Variants in TMEM132B observed in about 807,000 individuals in gnomAD.
TMEM132B encodes transmembrane protein 132B.
TMEM132B carries 18 observed loss-of-function variants against 90.8 expected under a neutral mutation model. The observed-to-expected ratio is 0.20, with a 90% CI of 0.14 to 0.29. The LOEUF (loss-of-function observed/expected upper bound fraction) is 0.29. TMEM132B is among the 10% of genes least tolerant of loss of function. The pLI, the probability that TMEM132B is intolerant of heterozygous loss-of-function variation, is 1.00. For missense variants in TMEM132B, 1,096 were observed against 1,326.8 expected (o/e 0.83, Z 2.70); for synonymous variants, 504 against 523.3 (o/e 0.96, Z 0.50).
chr12:125,651,737 C>T (rs1017502169), intron 7 of TMEM132B, among the ~76,000 whole-genome samples: 1 of 152,164 alleles, frequency 6.6e-6, no homozygotes, highest in Admixed American at 6.5e-5. Context: ...CTCCAGGTCT[C>T]GGCTGGCCTG....
intron 3 of TMEM132B, among the ~76,000 whole-genome samples, chr12:125,495,032 C>T (rs1387077655): frequency 7.8e-5 from 7 of 89,436 alleles, no homozygotes; most frequent in Admixed American, 1.1e-4. Flanking sequence ...GAAATGGATG[C>T]GTCCCTCCTC....
At chr12:125,647,281 G>A (rs1244119075) in intron 6 of TMEM132B, among the ~76,000 whole-genome samples, 2 of 152,086 alleles carry the variant, frequency 1.3e-5, no homozygotes, top group African/African-American at 4.8e-5. Flanking sequence ...AAAAGGTGTC[G>A]GGCTCAAACA....
intron 2 of TMEM132B, among the ~76,000 whole-genome samples, chr12:125,390,524 G>A (rs1878978072): frequency 6.6e-6 from 1 of 152,168 alleles, no homozygotes; most frequent in African/African-American, 2.4e-5. Flanking sequence ...TCTGAATGTG[G>A]GCTGGATTTG....
intron 5 of TMEM132B, among the ~76,000 whole-genome samples, chr12:125,638,091 A>C (rs953300880): frequency 1.3e-5 from 2 of 152,218 alleles, no homozygotes; most frequent in Non-Finnish European, 2.9e-5. Context: ...AGGAAGGGCC[A>C]TGTTGTCCTT....
chr12:125,319,076 C>T (rs925798639), intron 1 of TMEM132B, among the ~76,000 whole-genome samples: 1 of 152,154 alleles, frequency 6.6e-6, no homozygotes, highest in Non-Finnish European at 1.5e-5. Flanking sequence ...AGAGGTGGCT[C>T]AGGTCCTGGT....
Position 125,583,926 on chromosome 12 carries a change from G to A in TMEM132B, c.1369G>A (p.Glu457Lys), listed in dbSNP as rs1566080844. Reference sequence around the variant, plus strand: ...TCCTGTCAAAGTCGTGGGGGTCCAGGAGGATGGTTCTGTGGTCGATGTGTC... The same window carrying A: ...TCCTGTCAAAGTCGTGGGGGTCCAGAAGGATGGTTCTGTGGTCGATGTGTC... ...SVPVKVVGVQ[E>K]DGSVVDVSES... The change falls in exon 5 of 9, where the codon GAG (glutamate) becomes AAG (lysine). Residue 457 changes from glutamate to lysine, a missense_variant. Coordinates refer to ENST00000682704, the MANE Select transcript of TMEM132B (RefSeq NM_001366854.1). 2 of 1,614,178 alleles carry A rather than the reference G, an allele frequency of 1.2e-6. No individual in the cohort carries two copies. Among genetic ancestry groups the A allele is most frequent in the South Asian group, 1.1e-5 (1 of 91,066 alleles).
intron 1 of TMEM132B, among the ~76,000 whole-genome samples, chr12:125,339,583 C>T (rs1333397815): frequency 6.6e-6 from 1 of 152,164 alleles, no homozygotes; most frequent in Non-Finnish European, 1.5e-5. Flanking sequence ...GGTACTTCTC[C>T]CCAGTAGCTC....
At chr12:125,395,761 A>G (rs1002874533) in intron 2 of TMEM132B, among the ~76,000 whole-genome samples, 3 of 152,246 alleles carry the variant, frequency 2.0e-5, no homozygotes, top group African/African-American at 7.2e-5. Flanking sequence ...AGAGAGTCTC[A>G]GGTCTGGCTG....
chr12:125,295,522 G>GAGAGAGAGAGAGAGAGAGAGAGAGAGAC, intron 1 of TMEM132B, among the ~76,000 whole-genome samples: 1 of 148,510 alleles, frequency 6.7e-6, no homozygotes, highest in East Asian at 1.9e-4. Flanking sequence ...GTGTGAGAGA[G>GAGAGAGAGAGAGAGAGAGAGAGAGAGAC]AGAGAGAGAG....
At chr12:125,537,809 C>T (rs1442203166) in intron 4 of TMEM132B, among the ~76,000 whole-genome samples, 1 of 152,152 alleles carries the variant, frequency 6.6e-6, no homozygotes, top group African/African-American at 2.4e-5. Flanking sequence ...AACCTGGCTT[C>T]AAATATCTGC....
In TMEM132B at chr12:125,320,655, C is replaced by T. The variant is rs578113908; in HGVS notation, c.68-28797C>T. 1.0e-3 allele frequency among the ~76,000 whole-genome samples: 157 copies of T among 152,206 alleles called. 1 individual carries two copies. Among genetic ancestry groups the T allele is most frequent in the Non-Finnish European group, 1.3e-3 (90 of 68,030 alleles). On this transcript the variant is annotated intron_variant, in intron 1 of 8. Transcript: ENST00000682704. ...CGGCTCCACAAGGGGGAAGCTGAGT[C>T]GACCTCAGTCTTTGGCCGACTTAAA...
chr12:125,462,810 C>CTTGTGG lies in TMEM132B; in HGVS notation c.1106+47133_1106+47134insTTGTGG, dbSNP rs1307429442. 2.6e-5 allele frequency among the ~76,000 whole-genome samples: 4 copies of CTTGTGG among 152,200 alleles called. No individual in the cohort carries two copies. In the East Asian group the frequency reaches 7.7e-4, roughly 29 times the overall value. On this transcript the variant is annotated intron_variant, in intron 3 of 8. Coordinates refer to ENST00000682704, the MANE Select transcript of TMEM132B (RefSeq NM_001366854.1). ...TCTGGAAGAAAACTTGACTAATCCA[C>CTTGTGG]AAGCAGCAACCTGTGAACTTTTGGT...
intron 1 of TMEM132B, among the ~76,000 whole-genome samples, chr12:125,262,798 G>A (rs1257529080): frequency 1.3e-5 from 2 of 152,176 alleles, no homozygotes; most frequent in Non-Finnish European, 2.9e-5. Context: ...AAAGTGTGTT[G>A]GCTGCCTCTG....
In TMEM132B at chr12:125,460,618, C is replaced by T. The variant is rs774076560; in HGVS notation, c.1106+44941C>T. ...TCACTCTTCAACAGTACTGCTCAAC[C>T]GTTTGAGTATCTGCGGCCTTTTCAT... On this transcript the variant is annotated intron_variant, in intron 3 of 8. Coordinates refer to ENST00000682704, the MANE Select transcript of TMEM132B (RefSeq NM_001366854.1). This position sits in a 1 kb window ranked among gnomAD's most constrained non-coding sequence, Gnocchi z 4.4. 1.4e-4 allele frequency among the ~76,000 whole-genome samples: 21 copies of T among 152,212 alleles called. No individual in the cohort carries two copies. The highest frequency in any genetic ancestry group is 1.3e-4 in the Non-Finnish European group (9 of 68,034).
chr12:125,552,852 G>C (rs992927342), intron 4 of TMEM132B, among the ~76,000 whole-genome samples: 2 of 152,214 alleles, frequency 1.3e-5, no homozygotes, highest in Non-Finnish European at 2.9e-5. Context: ...TAACAGACAC[G>C]TCCCTGCACA....
chr12:125,331,318 C>T (rs1264674351), intron 1 of TMEM132B, among the ~76,000 whole-genome samples: 1 of 152,214 alleles, frequency 6.6e-6, no homozygotes, highest in Admixed American at 6.5e-5. Context: ...GGGACTGAGG[C>T]TTTGTATTTT....
intron 4 of TMEM132B, among the ~76,000 whole-genome samples, chr12:125,560,126 C>T (rs747200863): frequency 2.0e-5 from 3 of 152,120 alleles, no homozygotes; most frequent in Non-Finnish European, 1.5e-5. Context: ...CAGAAAGCCC[C>T]ATCTGATTGG....
intron 1 of TMEM132B, among the ~76,000 whole-genome samples, chr12:125,189,505 A>G (rs1681427659): frequency 6.8e-6 from 1 of 148,010 alleles, no homozygotes; most frequent in East Asian, 2.0e-4. Flanking sequence ...GGCATGTGGT[A>G]TATTTCTCAT....
At chr12:125,240,072 T>C (rs1473349160) in intron 1 of TMEM132B, among the ~76,000 whole-genome samples, 1 of 152,228 alleles carries the variant, frequency 6.6e-6, no homozygotes, top group Non-Finnish European at 1.5e-5. Context: ...GCCATGTGGC[T>C]TGCAGGGTCG....
Sources: gnomAD v4.1 joint callset for allele counts (sites outside exome capture counted in the v4.1 genomes callset) on GRCh38, gnomAD v4.1.1 for gene constraint, Gnocchi (gnomAD v3.1) non-coding constraint, MANE v1.5 for transcripts, NCBI Gene and HGNC (gene_info 2026-07-23, HGNC 2026-07-21) for gene names.